The following ADARB2 variants were observed in gnomAD, a reference collection of about 807,000 sequenced individuals.
ADARB2 encodes the protein inactive double-stranded RNA-specific editase B2.
ADARB2 carries 25 observed loss-of-function variants against 62.2 expected under a neutral mutation model. That is an observed-to-expected ratio of 0.40 (90% CI 0.29 to 0.56). ADARB2 has a LOEUF of 0.56. Among genes scored for constraint, ADARB2 ranks in the 20% least tolerant of loss-of-function variants. The probability of loss-of-function intolerance (pLI) is 0.43; values close to 1 mark genes in which losing one functional copy is unlikely to be tolerated. For missense variants in ADARB2, 1,071 were observed against 1,077.4 expected, an observed-to-expected ratio of 0.99 and a Z score of 0.08; for synonymous variants, 572 against 500.8, an observed-to-expected ratio of 1.14 and a Z score of -1.90.
At chr10:1,698,095 G>A (rs1834770982) in intron 1 of ADARB2, among the ~76,000 whole-genome samples, 1 of 152,158 alleles carries the variant, frequency 6.6e-6, no homozygotes, top group African/African-American at 2.4e-5. Context: ...CTCTCCCACT[G>A]CCCTCTCTGG....
chr10:1,496,064 AC>A (rs1288768563), intron 1 of ADARB2, among the ~76,000 whole-genome samples: 3 of 151,830 alleles, frequency 2.0e-5, no homozygotes, highest in African/African-American at 7.3e-5. Flanking sequence ...CTTCATCATC[AC>A]CATCACTATT....
At chr10:1,208,177 G>A (rs1487504816) in intron 7 of ADARB2, among the ~76,000 whole-genome samples, 1 of 152,236 alleles carries the variant, frequency 6.6e-6, no homozygotes, top group Non-Finnish European at 1.5e-5. Context: ...CGAGTTTACT[G>A]TGACTTTATC....
intron 1 of ADARB2, among the ~76,000 whole-genome samples, chr10:1,464,815 T>G (rs12774998): frequency 7.0e-6 from 1 of 143,560 alleles, no homozygotes; most frequent in Admixed American, 6.9e-5. Context: ...ACACACGCAC[T>G]GGGGGCAGTC....
At chr10:1,447,547 ATT>A (rs5782580) in intron 1 of ADARB2, among the ~76,000 whole-genome samples, 1 of 149,346 alleles carries the variant, frequency 6.7e-6, no homozygotes, top group African/African-American at 2.5e-5. Flanking sequence ...ATCATATGTA[ATT>A]TTTTTTTTGT....
At chr10:1,306,608 C>G (rs1831632222) in intron 3 of ADARB2, among the ~76,000 whole-genome samples, 1 of 145,496 alleles carries the variant, frequency 6.9e-6, no homozygotes, top group East Asian at 2.3e-4. Context: ...CTAAGTCAAT[C>G]CTAAGCCAAA....
At chr10:1,675,379 A>G (rs1415668857) in intron 1 of ADARB2, 2 of 955,376 alleles carry the variant, frequency 2.1e-6, no homozygotes, top group East Asian at 1.3e-4. Context: ...GTTTGGGTTC[A>G]GGGATGCATG....
At position 1,592,020 on chromosome 10, in the gene ADARB2, G is replaced by A. The variant is rs149674696; in HGVS notation, c.100+145031C>T. On this transcript the variant is annotated intron_variant, in intron 1 of 9. Transcript: ENST00000381312. ...GGGTTCCGGCTCTACGGCTGACCCT[G>A]GTACATGGGCTTTTTACAACCCTGG... Among the ~76,000 whole-genome samples, 190 of 152,318 alleles carry A rather than the reference G, an allele frequency of 1.2e-3. 1 individual carries two copies. Among genetic ancestry groups the A allele is most frequent in the African/African-American group, 4.4e-3 (183 of 41,570 alleles).
chr10:1,532,588 G>A (rs532442528), intron 1 of ADARB2, among the ~76,000 whole-genome samples: 1 of 152,312 alleles, frequency 6.6e-6, no homozygotes, highest in South Asian at 2.1e-4. Flanking sequence ...GTCAGGCATT[G>A]GGTGCTGCCC....
At chr10:1,309,700 G>T (rs1476224456) in intron 3 of ADARB2, among the ~76,000 whole-genome samples, 1 of 152,360 alleles carries the variant, frequency 6.6e-6, no homozygotes, top group Non-Finnish European at 1.5e-5. Context: ...CTGGTCTTCA[G>T]ATCCTAGAAT....
At chr10:1,367,898 T>C (rs550930560) in intron 2 of ADARB2, among the ~76,000 whole-genome samples, 12 of 152,352 alleles carry the variant, frequency 7.9e-5, no homozygotes, top group African/African-American at 2.9e-4. Flanking sequence ...AAGTTTTCCA[T>C]GGTATAAACC....
chr10:1,562,574 A>G (rs1019663122), intron 1 of ADARB2, among the ~76,000 whole-genome samples: 4 of 152,222 alleles, frequency 2.6e-5, no homozygotes, highest in African/African-American at 9.6e-5. Context: ...ATTTATCTCC[A>G]GCACCTGTGA....
intron 1 of ADARB2, among the ~76,000 whole-genome samples, chr10:1,416,619 C>T (rs759755381): frequency 1.3e-5 from 2 of 152,246 alleles, no homozygotes; most frequent in African/African-American, 4.8e-5. Context: ...GGCAGGGGCC[C>T]TGGAGTTTCT....
Position 1,566,692 on chromosome 10 carries a change from C to G in ADARB2, c.100+170359G>C, listed in dbSNP as rs11818970. On this transcript the variant is annotated intron_variant, in intron 1 of 9. Transcript: ENST00000381312. ...CTTTGTTAGATGTGGTGATTGCATT[C>G]TAAACTGGAGGCTGAATTATACACT... is the stretch of plus-strand genomic sequence containing the variant. Among the ~76,000 whole-genome samples, 696 of 152,312 alleles carry G rather than the reference C, an allele frequency of 4.6e-3. 3 individuals are homozygous for G. The highest frequency in any genetic ancestry group is 0.016 in the African/African-American group (653 of 41,580).
intron 1 of ADARB2, among the ~76,000 whole-genome samples, chr10:1,560,653 G>C (rs1832774253): frequency 6.6e-6 from 1 of 152,286 alleles, no homozygotes; most frequent in Middle Eastern, 3.4e-3. Context: ...CCAGGCAATT[G>C]TAAGACTGCA....
intron 3 of ADARB2, among the ~76,000 whole-genome samples, chr10:1,297,288 G>A (rs371161975): frequency 1.1e-4 from 16 of 152,208 alleles, no homozygotes; most frequent in African/African-American, 2.7e-4. Context: ...CCCGTCAGCC[G>A]TGGTTATGGA....
chr10:1,310,502 AGCCCTGGAG>A (rs1445755245), intron 3 of ADARB2, among the ~76,000 whole-genome samples: 1 of 152,250 alleles, frequency 6.6e-6, no homozygotes, highest in Non-Finnish European at 1.5e-5. Context: ...CTACTTTCTA[AGCCCTGGAG>A]GCCCCAGAAG....
chr10:1,366,178 A>G (rs937757495), intron 2 of ADARB2, among the ~76,000 whole-genome samples: 3 of 152,368 alleles, frequency 2.0e-5, no homozygotes, highest in South Asian at 2.1e-4. Context: ...GGGTGACTTC[A>G]CGTGTGACTT....
intron 1 of ADARB2, among the ~76,000 whole-genome samples, chr10:1,607,512 AATG>A (rs1257394739): frequency 1.3e-5 from 2 of 152,048 alleles, no homozygotes; most frequent in African/African-American, 4.8e-5. Context: ...CTGCTTGAGA[AATG>A]ATGATGACCA....
chr10:1,210,986 C>T (rs949599266), intron 7 of ADARB2, among the ~76,000 whole-genome samples: 3 of 152,068 alleles, frequency 2.0e-5, no homozygotes, highest in African/African-American at 7.3e-5. Flanking sequence ...GCCAGGGAGG[C>T]TCTGGGCACT....
Sources: gnomAD v4.1 joint callset for allele counts (sites outside exome capture counted in the v4.1 genomes callset) on GRCh38, gnomAD v4.1.1 for gene constraint, MANE v1.5 for transcripts, NCBI Gene and HGNC (gene_info 2026-07-23, HGNC 2026-07-21) for gene names.